Variants in SCMH1 observed in about 807,000 individuals in gnomAD.
SCMH1 encodes the protein Scm polycomb group protein homolog 1.
SCMH1 carries 37 observed loss-of-function variants against 70.8 expected under a neutral mutation model. The observed-to-expected ratio is 0.52, with a 90% confidence interval of 0.40 to 0.69. The LOEUF is 0.69. Among genes scored for constraint, SCMH1 ranks in the 30% least tolerant of loss-of-function variants. SCMH1 has a pLI of 0.00. For missense variants in SCMH1, 607 were observed against 827.3 expected, an observed-to-expected ratio of 0.73 and a Z score of 3.27; for synonymous variants, 292 against 307.4, an observed-to-expected ratio of 0.95 and a Z score of 0.52.
chr1:41,135,851 C>G (rs1643220500), intron 6 of SCMH1, among the ~76,000 whole-genome samples: 1 of 152,064 alleles, frequency 6.6e-6, no homozygotes, highest in South Asian at 2.1e-4. Flanking sequence ...AGCACTAAGA[C>G]TATCTGCTCC....
At position 41,040,907 on chromosome 1, in the gene SCMH1, CA is replaced by C; in HGVS notation, c.1499-3367del. Among the ~76,000 whole-genome samples the C allele has an allele frequency of 4.8e-5, 7 of 146,294 alleles. No homozygotes were observed. The Middle Eastern group carries it at 0.022, about 461-fold the overall frequency. On this transcript the variant is annotated intron_variant, in intron 12 of 14. Transcript: ENST00000337495. The stretch of plus-strand genomic sequence containing the variant: ...ACAAAAAACAAAAACAAAACAACAA[CA>C]AAAAAAGGAGGGCATTTTAGCAATC...
chr1:41,210,486 C>A (rs892473662), intron 1 of SCMH1, among the ~76,000 whole-genome samples: 2 of 152,206 alleles, frequency 1.3e-5, no homozygotes, highest in Non-Finnish European at 2.9e-5. Context: ...ACCAAAACAG[C>A]ATGGTACTGG....
In SCMH1 at chr1:41,063,266, G is replaced by C. The variant is rs1653404818; in HGVS notation, c.1105+7329C>G. Among the ~76,000 whole-genome samples the C allele has an allele frequency of 1.3e-5, 2 of 152,066 alleles. 1 individual carries two copies. The highest frequency in any genetic ancestry group is 4.1e-4 in the South Asian group (2 of 4,824). ...AGGCGGGCGGATCATGAGGGCAGGAGGTCGAGACCACCCTGGCCAACACAG... is the reference window on the plus strand; with the variant it reads ...AGGCGGGCGGATCATGAGGGCAGGACGTCGAGACCACCCTGGCCAACACAG... On this transcript the variant is annotated intron_variant, in intron 10 of 14. Transcript: ENST00000337495.
At chr1:41,048,938 A>G in intron 10 of SCMH1, 48 bp from the exon 11 acceptor site, 1 of 1,520,382 alleles carries the variant, frequency 6.6e-7, no homozygotes, top group Non-Finnish European at 9.0e-7. Context: ...TCTGGGATAG[A>G]GAAGTCAGAG....
intron 1 of SCMH1, among the ~76,000 whole-genome samples, chr1:41,209,130 T>C (rs1656354869): frequency 1.3e-5 from 2 of 152,146 alleles, no homozygotes; most frequent in Non-Finnish European, 2.9e-5. Flanking sequence ...AATGGATAAA[T>C]TCCTGGACAC....
intron 1 of SCMH1, among the ~76,000 whole-genome samples, chr1:41,219,310 C>T (rs1658742460): frequency 6.6e-6 from 1 of 152,182 alleles, no homozygotes; most frequent in Non-Finnish European, 1.5e-5. Flanking sequence ...ATAAGAACAG[C>T]ACTTTCCTAA....
rs893599718 is a variant in SCMH1, at chr1:41,159,247, A to C, written c.106+1628T>G. On this transcript the variant is annotated intron_variant, in intron 4 of 14. Transcript: ENST00000337495. ...ATGCCTATGCAACCAATGCTCTAGG[A>C]AAAATACACTTTCAAATTTTAACAT... Among the ~76,000 whole-genome samples the C allele has an allele frequency of 2.0e-5, 3 of 152,234 alleles. No homozygotes were observed. The South Asian group carries it at 6.2e-4, about 31-fold the overall frequency.
At chr1:41,119,561 T>C (rs1051830308) in intron 6 of SCMH1, among the ~76,000 whole-genome samples, 57 of 152,082 alleles carry the variant, frequency 3.7e-4, no homozygotes, top group African/African-American at 1.3e-3. Flanking sequence ...TTTAAGAGCA[T>C]CAAATTCCCC....
chr1:41,190,521 T>G (rs779890891), intron 1 of SCMH1, among the ~76,000 whole-genome samples: 1 of 152,176 alleles, frequency 6.6e-6, no homozygotes, highest in Non-Finnish European at 1.5e-5. Context: ...TAAAATAACC[T>G]ATTGGTGAAG....
At chr1:41,150,138 G>A (rs559438698) in intron 5 of SCMH1, among the ~76,000 whole-genome samples, 2 of 152,222 alleles carry the variant, frequency 1.3e-5, no homozygotes, top group South Asian at 4.1e-4. Context: ...GAAAATCATA[G>A]AGGTAGCTCA....
chr1:41,030,221 CA>C (rs1460359517), intron 13 of SCMH1, among the ~76,000 whole-genome samples: 1 of 151,686 alleles, frequency 6.6e-6, no homozygotes, highest in East Asian at 1.9e-4. Flanking sequence ...TCAAAAAAAA[CA>C]AAAACAAAAA....
chr1:41,156,956 T>C (rs1411452193), intron 4 of SCMH1, among the ~76,000 whole-genome samples: 1 of 113,186 alleles, frequency 8.8e-6, no homozygotes, highest in Non-Finnish European at 2.0e-5. Flanking sequence ...AAGCCAACTT[T>C]TTTTTTTTTT....
At chr1:41,152,415 T>C (rs575266521) in intron 4 of SCMH1, among the ~76,000 whole-genome samples, 2 of 152,304 alleles carry the variant, frequency 1.3e-5, no homozygotes, top group South Asian at 4.1e-4. Flanking sequence ...GAACTGGCCT[T>C]ACAGCCTCTA....
chr1:41,027,759 T>C (rs1232760542), exon 15 of SCMH1: 1 of 159,452 alleles, frequency 6.3e-6, no homozygotes, highest in African/African-American at 2.4e-5. Flanking sequence ...GATCTTTTTG[T>C]AAAAAAGGTA....
chr1:41,131,692 A>C (rs1572438821), intron 6 of SCMH1, among the ~76,000 whole-genome samples: 1 of 151,990 alleles, frequency 6.6e-6, no homozygotes. Flanking sequence ...TCCTAATGCT[A>C]TCTCTCCCCC....
At chr1:41,220,587 G>A (rs1438594471) in intron 1 of SCMH1, among the ~76,000 whole-genome samples, 4 of 152,224 alleles carry the variant, frequency 2.6e-5, no homozygotes, top group African/African-American at 7.2e-5. Context: ...GAAACGAGGG[G>A]CAGATTCAGA....
intron 1 of SCMH1, among the ~76,000 whole-genome samples, chr1:41,193,524 TG>T (rs141254521): frequency 0.019 from 2,906 of 149,914 alleles, 92 homozygotes; most frequent in East Asian, 0.11. Flanking sequence ...TGCCAGGGGT[TG>T]GGGGGGGGTT....
Position 41,028,577 on chromosome 1 carries a change from C to T in SCMH1, c.1821+7G>A. On this transcript the variant is annotated splice_region_variant and intron_variant, in intron 14 of 14. Transcript: ENST00000337495. ...TTCCTACTGAGAGGTCAGGCAGCAG[C>T]ACCTACGTGTTTGCGAAACAGGTCA... 1.2e-6 allele frequency: 2 copies of T among 1,614,090 alleles called. No homozygotes were observed. Among genetic ancestry groups the T allele is most frequent in the Non-Finnish European group, 1.7e-6 (2 of 1,179,976 alleles).
chr1:41,106,211 C>A (rs1369683628), intron 8 of SCMH1, among the ~76,000 whole-genome samples: 1 of 151,730 alleles, frequency 6.6e-6, no homozygotes, highest in Non-Finnish European at 1.5e-5. Flanking sequence ...TTTGTCCCTG[C>A]CCAAATCTCA....
Sources: allele counts gnomAD v4.1 joint callset (sites outside exome capture counted in the v4.1 genomes callset), GRCh38; gene constraint gnomAD v4.1.1; transcripts MANE v1.5; gene names NCBI Gene and HGNC (gene_info 2026-07-23, HGNC 2026-07-21).